Variants in INTS1 observed in about 807,000 individuals in gnomAD.
INTS1 encodes the protein integrator complex subunit 1.
A neutral mutation model predicts 241.6 loss-of-function variants in INTS1; 137 were observed. The ratio of observed to expected loss-of-function variants is 0.57; its 90% CI spans 0.49 to 0.65. The LOEUF (loss-of-function observed/expected upper bound fraction) is 0.65, where lower values mean the gene tolerates loss of function less well. Ranked by LOEUF, INTS1 falls within the 30% of genes least tolerant of loss-of-function variation. INTS1 has a pLI of 0.00. For missense variants in INTS1, 3,073 were observed against 3,032.2 expected (o/e 1.01, Z -0.32); for synonymous variants, 1,692 against 1,337.8 (o/e 1.26, Z -5.78).
At chr7:1,495,391 A>G in intron 13 of INTS1, 42 bp downstream of exon 13, 1 of 1,580,364 alleles carries the variant, frequency 6.3e-7, no homozygotes, top group Non-Finnish European at 8.6e-7. Context: ...GTCCCGGCTC[A>G]GTGGGGTGTG....
At chr7:1,498,876 T>C in intron 8 of INTS1, 24 bp from the exon 9 acceptor site, 3 of 1,580,638 alleles carry the variant, frequency 1.9e-6, no homozygotes, top group South Asian at 1.2e-5. Flanking sequence ...GAGGGAGCAG[T>C]GGGCTCACGG....
intron 16 of INTS1, among the ~76,000 whole-genome samples, chr7:1,492,672 A>G (rs967845050): frequency 6.6e-6 from 1 of 152,234 alleles, no homozygotes; most frequent in Admixed American, 6.5e-5. Context: ...AGAAAAAGGT[A>G]TGACTGAGCT....
rs199632214 is a variant in INTS1 at position 1,500,232 on chromosome 7, G to A, written c.484C>T (p.Leu162=). 3 of 1,605,774 alleles carry A rather than the reference G, an allele frequency of 1.9e-6. No homozygotes were observed. The highest frequency in any genetic ancestry group is 1.1e-5 in the South Asian group (1 of 89,748). Residue 162 remains leucine (L), a synonymous_variant, in exon 4 of 48, where the codon CTG becomes TTG. Coordinates refer to ENST00000404767, the MANE Select transcript of INTS1 (RefSeq NM_001080453.3). ...TRAKPDSTLY[L]SLMYLAKIKP... ...ATCTTGGCCAGGTACATGAGGCTCA[G>A]GTAGAGGGTGCTGTCAGGCTTGGCG...
In INTS1 at chr7:1,470,671, T is replaced by C. The variant is rs768206051; in HGVS notation, c.6479A>G (p.His2160Arg). The stretch of plus-strand genomic sequence containing the variant: ...GTACATGCCCACCAGGAAGGCCCGG[T>C]GGAGCAGCACAGCCGCGTGCTCTGT... ...LCQEHAAVLLHRAFLVGMYGQ... is the reference protein window; with the variant it reads ...LCQEHAAVLLRRAFLVGMYGQ... Residue 2160 changes from histidine (H) to arginine (R), a missense_variant, in exon 48 of 48, where the codon CAC (histidine) becomes CGC (arginine). By Grantham distance (29) the His-to-Arg change is conservative. Transcript: ENST00000404767. The C allele has an allele frequency of 1.3e-6, 2 of 1,574,442 alleles. No individual in the cohort carries two copies. Among genetic ancestry groups the C allele is most frequent in the Non-Finnish European group, 1.7e-6 (2 of 1,160,946 alleles).
chr7:1,482,809 A>G, intron 26 of INTS1, 102 bp from the exon 27 acceptor site: 2 of 1,422,220 alleles, frequency 1.4e-6, no homozygotes, highest in Non-Finnish European at 9.6e-7. Flanking sequence ...CCGAGAAGGA[A>G]ACTGAGACTT....
In INTS1 at chr7:1,475,854, G is replaced by A. The variant is rs545466115; in HGVS notation, c.5502+94C>T. 17 of 1,433,142 alleles carry A rather than the reference G, an allele frequency of 1.2e-5. No homozygotes were observed. The African/African-American group carries it at 2.0e-4, about 17-fold the overall frequency. The allele number at this position is 1,433,142 out of a possible 1,614,324, so 88.8% of individuals were successfully genotyped here. ...TGGGAAGGGGCAAGAGGGGTAGCCGGCGATGGCCATGTACACTGTGGCCTC... is the reference window on the plus strand; with the variant it reads ...TGGGAAGGGGCAAGAGGGGTAGCCGACGATGGCCATGTACACTGTGGCCTC... On this transcript the variant is annotated intron_variant, in intron 39 of 47. Transcript: ENST00000404767.
intron 18 of INTS1, among the ~76,000 whole-genome samples, chr7:1,489,025 A>T (rs10230455): frequency 1.3e-5 from 2 of 151,654 alleles, no homozygotes; most frequent in Admixed American, 6.6e-5. Context: ...GTCCTCCAGC[A>T]TCGCACCACC....
At position 1,484,733 on chromosome 7, in the gene INTS1, T is replaced by G. The variant is rs187459350; in HGVS notation, c.3261+365A>C. Among the ~76,000 whole-genome samples, 484 of 152,290 alleles carry G rather than the reference T, an allele frequency of 3.2e-3. 2 individuals carry two copies. Among genetic ancestry groups the G allele is most frequent in the Admixed American group, 4.4e-3 (68 of 15,302 alleles). On this transcript the variant is annotated intron_variant, in intron 24 of 47. Coordinates refer to ENST00000404767, the MANE Select transcript of INTS1 (RefSeq NM_001080453.3). ...AACAAGGCACCCTCACCCCCGTGGC[T>G]TCGCATCCTCAGGGTCTGGGGAGAA... is the stretch of plus-strand genomic sequence containing the variant.
chr7:1,492,734 G>A (rs78340654), intron 16 of INTS1, among the ~76,000 whole-genome samples: 5,596 of 151,902 alleles, frequency 0.037, 349 homozygotes, highest in African/African-American at 0.13. Flanking sequence ...CCCAGGTAAC[G>A]GTTGGACTCG....
chr7:1,482,740 G>A lies in INTS1; in HGVS notation c.3542-33C>T, dbSNP rs528754865. On this transcript the variant is annotated intron_variant, in intron 26 of 47. Transcript: ENST00000404767. ...AAGGACAACGGGTGAGCAGCCTTCAGACCCACCGGGGCCCAGCCCCAAGCA... is the reference window on the plus strand; with the variant it reads ...AAGGACAACGGGTGAGCAGCCTTCAAACCCACCGGGGCCCAGCCCCAAGCA... 4.7e-5 allele frequency: 76 copies of A among 1,606,878 alleles called. No individual in the cohort carries two copies. The Admixed American group carries it at 8.4e-4, about 18-fold the overall frequency.
At chr7:1,496,488 C>A (rs575426317) in intron 11 of INTS1, among the ~76,000 whole-genome samples, 3 of 151,780 alleles carry the variant, frequency 2.0e-5, no homozygotes. Context: ...AAGGGACACC[C>A]GGGAGCCCCA....
At position 1,476,228 on chromosome 7, in the gene INTS1, C is replaced by T; in HGVS notation, c.5378+1G>A. The T allele has an allele frequency of 6.4e-7, 1 of 1,550,734 alleles. No individual in the cohort carries two copies. Among genetic ancestry groups the T allele is most frequent in the Non-Finnish European group, 8.7e-7 (1 of 1,148,628 alleles). The stretch of plus-strand genomic sequence containing the variant: ...CATCTGGGGCCGGGGGGCCTGAGCA[C>T]CTGTCTCCCCACTGCTGGATGCAGC... On this transcript the variant is annotated splice_donor_variant, in intron 38 of 47. Transcript: ENST00000404767. LOFTEE classifies it high-confidence loss of function.
Position 1,503,033 on chromosome 7 carries a change from C to T in INTS1, c.217G>A (p.Gly73Ser), listed in dbSNP as rs1009068667. Reference protein sequence around the residue: ...AALSSASALTGLTKRPKLSST... With the variant: ...AALSSASALTSLTKRPKLSST... ...GAGAGTTTGGGGCGTTTGGTGAGAC[C>T]GGTGAGGGCCGAGGCACTGGACAAC... Residue 73 changes from glycine (G) to serine (S), a missense_variant, in exon 3 of 48, where the codon GGT (glycine) becomes AGT (serine). Gly to Ser is a moderately conservative substitution (Grantham distance 56, BLOSUM62 0). Coordinates refer to ENST00000404767, the MANE Select transcript of INTS1 (RefSeq NM_001080453.3). The T allele has an allele frequency of 5.0e-6, 8 of 1,613,554 alleles. No individual in the cohort carries two copies. Among genetic ancestry groups the T allele is most frequent in the African/African-American group, 2.7e-5 (2 of 74,896 alleles).
At position 1,487,858 on chromosome 7, in the gene INTS1, G is replaced by T. The variant is rs755061463; in HGVS notation, c.2418C>A (p.Ile806=). The part of the protein sequence containing the change: ...LQTAQREKQE[I]LAFEGHLAAA... ...CCGCCAGGTGCCCCTCGAAGGCCAGGATCTCCTGCTTCTCCCGCTGGGCGG... is the reference window on the plus strand; with the variant it reads ...CCGCCAGGTGCCCCTCGAAGGCCAGTATCTCCTGCTTCTCCCGCTGGGCGG... Residue 806 remains isoleucine, a synonymous_variant, in exon 19 of 48, where the codon ATC becomes ATA. Coordinates refer to ENST00000404767, the MANE Select transcript of INTS1 (RefSeq NM_001080453.3). 4 of 1,613,606 alleles carry T rather than the reference G, an allele frequency of 2.5e-6. No individual in the cohort carries two copies. The highest frequency in any genetic ancestry group is 3.4e-6 in the Non-Finnish European group (4 of 1,179,858).
At chr7:1,472,107 C>T (rs1314484813) in intron 44 of INTS1, 166 bp downstream of exon 44, 12 of 612,128 alleles carry the variant, frequency 2.0e-5, no homozygotes, top group Non-Finnish European at 3.2e-5. Flanking sequence ...TTTCTAAGGC[C>T]CTCTCTGGGG....
chr7:1,488,076 G>T, intron 18 of INTS1, 119 bp from the exon 19 acceptor site: 1 of 1,049,450 alleles, frequency 9.5e-7, no homozygotes, highest in Non-Finnish European at 1.4e-6. Flanking sequence ...CTGCTGCACA[G>T]CAGTCAGGAG....
At chr7:1,474,603 TTTG>T (rs1781626209) in intron 40 of INTS1, 99 bp downstream of exon 40, 4 of 1,416,694 alleles carry the variant, frequency 2.8e-6, no homozygotes, top group South Asian at 2.7e-5. Flanking sequence ...CATGCTTTTT[TTTG>T]TTGTTTTTGG....
intron 3 of INTS1, among the ~76,000 whole-genome samples, chr7:1,501,750 G>A (rs1054621223): frequency 6.6e-6 from 1 of 152,090 alleles, no homozygotes; most frequent in African/African-American, 2.4e-5. Flanking sequence ...TCCTAAAGCA[G>A]TCCCCCAGCT....
rs1202303367 is a variant in INTS1, at chr7:1,484,065, T to C, written c.3367A>G (p.Ile1123Val). Residue 1123 changes from isoleucine to valine, a missense_variant, in exon 25 of 48, where the codon ATC becomes GTC. Physicochemically the swap from Ile to Val is conservative, Grantham distance 29. Coordinates refer to ENST00000404767, the MANE Select transcript of INTS1 (RefSeq NM_001080453.3). ...ATGCGCCTCACGTAGCGTGAGAAGA[T>C]GGACAACAGAGCGCTCAGCACGGCG... ...SDAVLSALLS[I>V]FSRYVRRMRQ... The C allele has an allele frequency of 2.5e-6, 4 of 1,612,436 alleles. No individual in the cohort carries two copies. Among genetic ancestry groups the C allele is most frequent in the Non-Finnish European group, 1.7e-6 (2 of 1,179,716 alleles).
Sources: gnomAD v4.1 joint callset for allele counts (sites outside exome capture counted in the v4.1 genomes callset) on GRCh38, gnomAD v4.1.1 for gene constraint, MANE v1.5 for transcripts, NCBI Gene and HGNC (gene_info 2026-07-23, HGNC 2026-07-21) for gene names.